Variants in CCBE1 observed in about 807,000 individuals in gnomAD.
The protein encoded by CCBE1 is collagen and calcium-binding EGF domain-containing protein 1.
In CCBE1, 37 loss-of-function variants were observed where a neutral mutation model predicts 50.0. The observed-to-expected ratio is 0.74, with a 90% confidence interval of 0.57 to 0.97. CCBE1 has a LOEUF of 0.97. Ranked by LOEUF, CCBE1 falls within the 50% of genes least tolerant of loss-of-function variation. The probability of loss-of-function intolerance (pLI) is 0.00; values close to 1 mark genes in which losing one functional copy is unlikely to be tolerated. For synonymous variants in CCBE1, 234 were observed against 203.7 expected (o/e 1.15, Z -1.27); for missense variants, 538 against 523.8 (o/e 1.03, Z -0.26).
intron 3 of CCBE1, among the ~76,000 whole-genome samples, chr18:59,472,829 A>G (rs889643614): frequency 1.3e-5 from 2 of 152,258 alleles, no homozygotes; most frequent in Non-Finnish European, 2.9e-5. Flanking sequence ...ACAGATCCAC[A>G]TGGCTGGGGA....
intron 2 of CCBE1, among the ~76,000 whole-genome samples, chr18:59,547,428 G>GCAGTT (rs1177741313): frequency 1.3e-5 from 2 of 152,158 alleles, no homozygotes; most frequent in African/African-American, 4.8e-5. Flanking sequence ...ATGTCAACTA[G>GCAGTT]CAGTTGACAT....
chr18:59,622,308 A>G (rs918821670), intron 2 of CCBE1, among the ~76,000 whole-genome samples: 2 of 152,246 alleles, frequency 1.3e-5, no homozygotes, highest in African/African-American at 2.4e-5. Context: ...CTGCAGTTAC[A>G]TCCTTATTTC....
chr18:59,554,184 G>A (rs1916027861), intron 2 of CCBE1, among the ~76,000 whole-genome samples: 2 of 152,032 alleles, frequency 1.3e-5, no homozygotes, highest in African/African-American at 2.4e-5. Context: ...ATGGAGTCTC[G>A]CTATGTTTCC....
chr18:59,606,915 C>G (rs1219808847), intron 2 of CCBE1, among the ~76,000 whole-genome samples: 1 of 152,162 alleles, frequency 6.6e-6, no homozygotes. Flanking sequence ...TGACACTTAT[C>G]TCACTGTTTT....
At chr18:59,599,758 A>G (rs1156529012) in intron 2 of CCBE1, among the ~76,000 whole-genome samples, 2 of 152,232 alleles carry the variant, frequency 1.3e-5, no homozygotes, top group Non-Finnish European at 2.9e-5. Context: ...TGCAGGCAAC[A>G]CACATAGCTG....
At chr18:59,436,833 G>T (rs1362805493) in intron 10 of CCBE1, among the ~76,000 whole-genome samples, 1 of 152,106 alleles carries the variant, frequency 6.6e-6, no homozygotes, top group Non-Finnish European at 1.5e-5. Flanking sequence ...TTAGCCAGGT[G>T]TGGTGGTGGG....
At chr18:59,562,278 T>C (rs1390879944) in intron 2 of CCBE1, among the ~76,000 whole-genome samples, 1 of 152,052 alleles carries the variant, frequency 6.6e-6, no homozygotes, top group Non-Finnish European at 1.5e-5. Context: ...GAAAAACCAA[T>C]CCATTGGTAA....
At chr18:59,535,866 T>C (rs1467786331) in intron 2 of CCBE1, among the ~76,000 whole-genome samples, 2 of 152,150 alleles carry the variant, frequency 1.3e-5, no homozygotes, top group African/African-American at 4.8e-5. Context: ...GTGTGTACTC[T>C]TTTTTTCCTA....
chr18:59,542,927 A>G (rs1915525013), intron 2 of CCBE1, among the ~76,000 whole-genome samples: 1 of 152,190 alleles, frequency 6.6e-6, no homozygotes, highest in African/African-American at 2.4e-5. Context: ...GAACCCCACT[A>G]GGGATGAAGG....
intron 2 of CCBE1, among the ~76,000 whole-genome samples, chr18:59,515,027 A>G (rs1914307853): frequency 6.6e-6 from 1 of 152,216 alleles, no homozygotes; most frequent in Non-Finnish European, 1.5e-5. Context: ...AAATTTATGC[A>G]TGTTTAGCTA....
rs2053894593 is a variant in CCBE1, at chr18:59,634,725, A to T, written c.212+61904T>A. 1.3e-5 allele frequency among the ~76,000 whole-genome samples: 2 copies of T among 152,250 alleles called. 1 individual carries two copies. The highest frequency in any genetic ancestry group is 1.3e-4 in the Admixed American group (2 of 15,284). ...TTAAACTAAAACATGAGCGAGGAAC[A>T]AGAGTTAAATGACCAGGGAGATTTG... On this transcript the variant is annotated intron_variant, in intron 2 of 10. Transcript: ENST00000439986.
chr18:59,648,055 T>A (rs2054078784), intron 2 of CCBE1, among the ~76,000 whole-genome samples: 2 of 152,204 alleles, frequency 1.3e-5, no homozygotes, highest in South Asian at 4.2e-4. Context: ...TAAATGAAGG[T>A]CAAAATGAGA....
chr18:59,564,407 G>C (rs2052787195), intron 2 of CCBE1, among the ~76,000 whole-genome samples: 1 of 151,972 alleles, frequency 6.6e-6, no homozygotes, highest in Non-Finnish European at 1.5e-5. Context: ...TTTTTACTTT[G>C]TATATTGAAT....
chr18:59,530,861 C>A (rs1357437400), intron 2 of CCBE1, among the ~76,000 whole-genome samples: 1 of 152,206 alleles, frequency 6.6e-6, no homozygotes, highest in Non-Finnish European at 1.5e-5. Flanking sequence ...GGAAAGCTAT[C>A]GTCTTCAACA....
intron 2 of CCBE1, among the ~76,000 whole-genome samples, chr18:59,519,092 G>A (rs73963225): frequency 0.04 from 6,023 of 152,204 alleles, 169 homozygotes; most frequent in African/African-American, 0.073. Context: ...TTGTCTCAGG[G>A]TGGTTTCCAG....
At chr18:59,637,203 G>A (rs1306409035) in intron 2 of CCBE1, among the ~76,000 whole-genome samples, 3 of 152,158 alleles carry the variant, frequency 2.0e-5, no homozygotes, top group African/African-American at 7.2e-5. Flanking sequence ...TTTATCTTAT[G>A]ACAAACAACA....
intron 2 of CCBE1, among the ~76,000 whole-genome samples, chr18:59,568,874 A>C (rs1441302598): frequency 1.3e-5 from 2 of 152,174 alleles, no homozygotes; most frequent in Non-Finnish European, 1.5e-5. Flanking sequence ...CACGTAAAGG[A>C]CATGGGCAGG....
At chr18:59,541,577 T>A (rs1915467357) in intron 2 of CCBE1, among the ~76,000 whole-genome samples, 1 of 152,170 alleles carries the variant, frequency 6.6e-6, no homozygotes, top group Admixed American at 6.5e-5. Flanking sequence ...TTCTGAATGC[T>A]GTTATTCAGA....
At chr18:59,454,554 AT>A (rs1473938961) in intron 6 of CCBE1, among the ~76,000 whole-genome samples, 3 of 152,076 alleles carry the variant, frequency 2.0e-5, no homozygotes, top group Non-Finnish European at 4.4e-5. Flanking sequence ...CTGGAAATTT[AT>A]TTTATGAGAA....
Sources: allele counts gnomAD v4.1 joint callset (sites outside exome capture counted in the v4.1 genomes callset), GRCh38; gene constraint gnomAD v4.1.1; transcripts MANE v1.5; gene names NCBI Gene and HGNC (gene_info 2026-07-23, HGNC 2026-07-21).